DPP10: variants seen among roughly 807,000 people sequenced by gnomAD.
The protein encoded by DPP10 is dipeptidyl peptidase like 10.
A neutral mutation model predicts 120.9 loss-of-function variants in DPP10; 33 were observed. That is an observed-to-expected ratio of 0.27 (90% CI 0.21 to 0.37). The LOEUF is 0.37. Among genes scored for constraint, DPP10 ranks in the 10% least tolerant of loss-of-function variants. The pLI, the probability that DPP10 is intolerant of heterozygous loss-of-function variation, is 1.00. For synonymous variants in DPP10, 337 were observed against 326.1 expected, an observed-to-expected ratio of 1.03 and a Z score of -0.36; for missense variants, 816 against 942.8, an observed-to-expected ratio of 0.87 and a Z score of 1.76.
chr2:114,731,224 G>A (rs1394510050), intron 1 of DPP10, among the ~76,000 whole-genome samples: 1 of 148,002 alleles, frequency 6.8e-6, no homozygotes, highest in African/African-American at 2.5e-5. Flanking sequence ...CTCACTTGAG[G>A]CTTTTTTTTT....
chr2:115,317,903 A>G (rs542583729), intron 2 of DPP10, among the ~76,000 whole-genome samples: 122 of 152,154 alleles, frequency 8.0e-4, no homozygotes, highest in African/African-American at 2.4e-3. Flanking sequence ...ACTTTCTTCT[A>G]TAATGTAGGT....
chr2:115,410,388 C>T (rs987541015), intron 3 of DPP10, among the ~76,000 whole-genome samples: 3 of 152,156 alleles, frequency 2.0e-5, no homozygotes, highest in Non-Finnish European at 4.4e-5. Flanking sequence ...GAACAAAAAC[C>T]AAGCACCCAT....
rs1486552245 is a variant in DPP10 at position 115,415,861 on chromosome 2, A to ATATATATT, written c.271+71956_271+71957insTTATATAT. Among the ~76,000 whole-genome samples, 12 of 136,224 alleles carry ATATATATT rather than the reference A, an allele frequency of 8.8e-5. No homozygotes were observed. In the East Asian group the frequency reaches 2.5e-3, roughly 28 times the overall value. 89.4% of individuals were successfully genotyped at this position (136,224 alleles called of 152,430 possible). A position where few individuals can be genotyped will look rare whatever the true frequency, so the allele number is the denominator to read the frequency against. Reference sequence around the variant, plus strand: ...TGCTTTTATATATATATATATATATATATATATATATATATGCACACACAC... The same window carrying ATATATATT: ...TGCTTTTATATATATATATATATATATATATATTTATATATATATATATGCACACACAC... On this transcript the variant is annotated intron_variant, in intron 3 of 25. Transcript: ENST00000410059.
intron 5 of DPP10, among the ~76,000 whole-genome samples, chr2:115,540,062 A>T (rs1186409844): frequency 6.6e-6 from 1 of 151,864 alleles, no homozygotes; most frequent in Non-Finnish European, 1.5e-5. Flanking sequence ...AAAGGACCTT[A>T]GTGTTTCTGA....
At chr2:115,427,460 C>A (rs559565804) in intron 3 of DPP10, among the ~76,000 whole-genome samples, 1 of 152,218 alleles carries the variant, frequency 6.6e-6, no homozygotes, top group Non-Finnish European at 1.5e-5. Context: ...CTTAACACTA[C>A]GTGGAAACCA....
At chr2:115,412,701 G>A (rs1410001452) in intron 3 of DPP10, among the ~76,000 whole-genome samples, 1 of 152,084 alleles carries the variant, frequency 6.6e-6, no homozygotes, top group Non-Finnish European at 1.5e-5. Context: ...ATGTATTTAG[G>A]ATTATTCATC....
Position 114,902,301 on chromosome 2 carries a change from T to C in DPP10, c.61-406938T>C, listed in dbSNP as rs1036333167. On this transcript the variant is annotated intron_variant, in intron 1 of 25. Transcript: ENST00000410059. ...ATTTCATTTTTTTCAAATGGATGTC[T>C]AATTCTTCCCACATCATTTATTGAA... Among the ~76,000 whole-genome samples the C allele has an allele frequency of 3.0e-4, 45 of 152,350 alleles. 1 individual carries two copies. Among genetic ancestry groups the C allele is most frequent in the African/African-American group, 1.0e-3 (43 of 41,582 alleles).
At chr2:114,624,179 A>C (rs1380196395) in intron 1 of DPP10, among the ~76,000 whole-genome samples, 1 of 151,992 alleles carries the variant, frequency 6.6e-6, no homozygotes, top group Non-Finnish European at 1.5e-5. Flanking sequence ...ACCAAGAATA[A>C]ATAATTTAAG....
intron 1 of DPP10, among the ~76,000 whole-genome samples, chr2:114,462,377 A>G (rs1018999764): frequency 6.6e-6 from 1 of 152,172 alleles, no homozygotes; most frequent in African/African-American, 2.4e-5. Flanking sequence ...GATCCCCTCT[A>G]ACACATGACA....
At chr2:114,622,780 G>T (rs905013387) in intron 1 of DPP10, among the ~76,000 whole-genome samples, 2 of 152,088 alleles carry the variant, frequency 1.3e-5, no homozygotes, top group African/African-American at 4.8e-5. Flanking sequence ...AAATGAGAGG[G>T]TATTTGAGAA....
intron 1 of DPP10, among the ~76,000 whole-genome samples, chr2:115,113,709 C>G (rs2049352205): frequency 6.6e-6 from 1 of 152,104 alleles, no homozygotes; most frequent in Non-Finnish European, 1.5e-5. Flanking sequence ...ATAATAAACC[C>G]TTGAGATACA....
At chr2:115,183,011 GCACACA>G (rs34612528) in intron 1 of DPP10, among the ~76,000 whole-genome samples, 14 of 150,408 alleles carry the variant, frequency 9.3e-5, no homozygotes, top group African/African-American at 2.9e-4. Flanking sequence ...ATATTTACAC[GCACACA>G]CACACACACA....
rs1298654086 is a variant in DPP10 at position 115,845,012 on chromosome 2, G to T, written c.*2667G>T. 1 of 151,942 alleles carries T rather than the reference G, an allele frequency of 6.6e-6. No individual in the cohort carries two copies. Among genetic ancestry groups the T allele is most frequent in the African/African-American group, 2.4e-5 (1 of 41,364 alleles). The allele number at this position is 151,942 out of a possible 1,614,324, so 9.4% of individuals were successfully genotyped here. On this transcript the variant is annotated 3_prime_UTR_variant, in exon 26 of 26. Coordinates refer to ENST00000410059, the MANE Select transcript of DPP10 (RefSeq NM_020868.6). ...CTGAAAATGTGCCTTTTTTTAATTG[G>T]GTGTTTAGCATAAAAATCACTATTG...
chr2:115,091,240 C>G (rs1559083311), intron 1 of DPP10, among the ~76,000 whole-genome samples: 1 of 152,178 alleles, frequency 6.6e-6, no homozygotes. Flanking sequence ...GGATTTGCAT[C>G]TAAACCTTGT....
chr2:114,760,136 C>T (rs1310213944), intron 1 of DPP10, among the ~76,000 whole-genome samples: 2 of 152,222 alleles, frequency 1.3e-5, no homozygotes, highest in Non-Finnish European at 2.9e-5. Flanking sequence ...ATTGCTGGCC[C>T]ACCCAGATCC....
chr2:114,805,972 G>A (rs1684687441), intron 1 of DPP10, among the ~76,000 whole-genome samples: 1 of 152,124 alleles, frequency 6.6e-6, no homozygotes, highest in Non-Finnish European at 1.5e-5. Flanking sequence ...TTTGTGAAAG[G>A]GCTCAAAACC....
intron 1 of DPP10, among the ~76,000 whole-genome samples, chr2:115,186,283 A>G (rs2054428743): frequency 6.6e-6 from 1 of 152,200 alleles, no homozygotes; most frequent in Non-Finnish European, 1.5e-5. Flanking sequence ...GAGCAGGAGT[A>G]TATTCTTTAT....
At chr2:114,528,951 C>T (rs1225270793) in intron 1 of DPP10, among the ~76,000 whole-genome samples, 1 of 152,038 alleles carries the variant, frequency 6.6e-6, no homozygotes, top group East Asian at 1.9e-4. Flanking sequence ...ACCCCTTTCC[C>T]CAGATGTATT....
intron 1 of DPP10, among the ~76,000 whole-genome samples, chr2:115,302,805 G>GT (rs1365030360): frequency 6.6e-6 from 1 of 152,010 alleles, no homozygotes; most frequent in Non-Finnish European, 1.5e-5. Flanking sequence ...TGAAAAATGT[G>GT]TAACTTGTAA....
Sources: gnomAD v4.1 joint callset for allele counts (sites outside exome capture counted in the v4.1 genomes callset) on GRCh38, gnomAD v4.1.1 for gene constraint, MANE v1.5 for transcripts, NCBI Gene and HGNC (gene_info 2026-07-23, HGNC 2026-07-21) for gene names.